Variants in CAST observed in about 807,000 individuals in gnomAD.
The protein encoded by CAST is calpastatin.
CAST carries 76 observed loss-of-function variants against 119.6 expected under a neutral mutation model. The observed-to-expected ratio is 0.64, with a 90% CI of 0.53 to 0.77. CAST has a LOEUF of 0.77. Among genes scored for constraint, CAST ranks in the 30% least tolerant of loss-of-function variants. The probability of loss-of-function intolerance (pLI) is 0.00; values close to 1 mark genes in which losing one functional copy is unlikely to be tolerated. For missense variants in CAST, 953 were observed against 946.5 expected (o/e 1.01, Z -0.09); for synonymous variants, 319 against 331.6 (o/e 0.96, Z 0.41).
the CAST span, among the ~76,000 whole-genome samples, chr5:96,127,401 T>C: frequency 1.3e-5 from 2 of 152,098 alleles, no homozygotes; most frequent in Admixed American, 1.3e-4. Context: ...AAAAATGAAA[T>C]GTAAATTCAT....
the CAST span, among the ~76,000 whole-genome samples, chr5:95,967,691 G>A: frequency 1.3e-5 from 2 of 152,096 alleles, no homozygotes; most frequent in South Asian, 2.1e-4. Context: ...AGAAGGACGT[G>A]TTTGCTTCCC....
chr5:96,188,127 C>A, the CAST span, among the ~76,000 whole-genome samples: 40 of 152,142 alleles, frequency 2.6e-4, no homozygotes, highest in Admixed American at 1.6e-3. Flanking sequence ...AGGTCTAAGC[C>A]TTTTTATTAC....
chr5:96,658,969 GCT>G (rs1266216279), upstream of CAST, among the ~76,000 whole-genome samples: 1 of 152,116 alleles, frequency 6.6e-6, no homozygotes, highest in African/African-American at 2.4e-5. Flanking sequence ...TGTTTCTTTG[GCT>G]CTGTTTTTTA....
chr5:96,447,533 T>C, the CAST span, among the ~76,000 whole-genome samples: 3,716 of 152,282 alleles, frequency 0.024, 58 homozygotes, highest in Non-Finnish European at 0.037. Flanking sequence ...CTCTGTGGAA[T>C]TTAAATGTTA....
In CAST at chr5:96,773,270, G is replaced by A. The variant is rs1222733938; in HGVS notation, c.*654G>A. On this transcript the variant is annotated 3_prime_UTR_variant, in exon 32 of 32. Transcript: ENST00000675179. ...CAGTTTGAACTCTTCTTTGCCAGGTGTGAGGACTTCTGCATCTTACAGTCA... is the reference window on the plus strand; with the variant it reads ...CAGTTTGAACTCTTCTTTGCCAGGTATGAGGACTTCTGCATCTTACAGTCA... The A allele has an allele frequency of 1.3e-5, 2 of 153,452 alleles. No individual in the cohort carries two copies. The highest frequency in any genetic ancestry group is 2.9e-5 in the Non-Finnish European group (2 of 68,038). The allele number at this position is 153,452 out of a possible 1,614,324, so 9.5% of individuals were successfully genotyped here. A position where few individuals can be genotyped will look rare whatever the true frequency, so the allele number is the denominator to read the frequency against.
chr5:96,375,370 A>G, the CAST span, among the ~76,000 whole-genome samples: 2 of 152,162 alleles, frequency 1.3e-5, no homozygotes, highest in Non-Finnish European at 1.5e-5. Flanking sequence ...CATAAAGAAA[A>G]TAAGTCCTGA....
chr5:96,616,744 C>CTATA (rs755651461), intron 1 of CAST, among the ~76,000 whole-genome samples: 23 of 122,964 alleles, frequency 1.9e-4, no homozygotes, highest in African/African-American at 4.7e-4. Flanking sequence ...CTCTCTCTCT[C>CTATA]TATATATATA....
At chr5:96,457,226 C>A in the CAST span, among the ~76,000 whole-genome samples, 1 of 152,188 alleles carries the variant, frequency 6.6e-6, no homozygotes, top group South Asian at 2.1e-4. Flanking sequence ...GCTCCCCATT[C>A]TTCTTTGCTT....
In CAST at chr5:96,554,025, C is replaced by G. The variant is rs147032592; in HGVS notation, c.60+24145C>G. The stretch of plus-strand genomic sequence containing the variant: ...ATGCTATCCCCATCAAGCTACCACT[C>G]ACTTTCTTCACAGAATTGGAAAAAA... On this transcript the variant is annotated intron_variant, in intron 1 of 11. Coordinates refer to the CAST transcript ENST00000505143. Among the ~76,000 whole-genome samples the G allele has an allele frequency of 9.3e-3, 1,416 of 152,210 alleles. 18 individuals are homozygous for G. The highest frequency in any genetic ancestry group is 0.033 in the African/African-American group (1,375 of 41,530).
At position 96,703,749 on chromosome 5, in the gene CAST, G is replaced by A. The variant is rs187279708; in HGVS notation, c.210+7842G>A. Among the ~76,000 whole-genome samples the A allele has an allele frequency of 4.6e-5, 7 of 152,288 alleles. No homozygotes were observed. In the East Asian group the frequency reaches 1.4e-3, roughly 29 times the overall value. On this transcript the variant is annotated intron_variant, in intron 3 of 31. Coordinates refer to ENST00000675179, the MANE Select transcript of CAST (RefSeq NM_001750.7). Reference sequence around the variant, plus strand: ...GAATGACAGAAATGCTTAATCAGCAGCTCTGGAAAGTTCCTGCTGTTTCAC... The same window carrying A: ...GAATGACAGAAATGCTTAATCAGCAACTCTGGAAAGTTCCTGCTGTTTCAC...
the CAST span, among the ~76,000 whole-genome samples, chr5:96,147,545 G>T: frequency 3.3e-5 from 5 of 152,184 alleles, no homozygotes; most frequent in African/African-American, 1.2e-4. Context: ...GGAGCTTGCA[G>T]TGAGCCGAGA....
At chr5:96,638,641 C>T (rs155056) in intron 1 of CAST, among the ~76,000 whole-genome samples, 45,906 of 151,888 alleles carry the variant, frequency 0.3, 7,012 homozygotes, top group African/African-American at 0.33. Flanking sequence ...TGGGCTTGAA[C>T]GATTTTGTTC....
At position 96,740,791 on chromosome 5, in the gene CAST, T is replaced by G; in HGVS notation, c.918+8T>G. ...CCTCCTGCAGACTCTTCGGTGAGTT[T>G]ACATACATGTCTTCTGATCTAAATT... is the stretch of plus-strand genomic sequence containing the variant. On this transcript the variant is annotated splice_region_variant and intron_variant, in intron 13 of 31. Transcript: ENST00000675179. The G allele has an allele frequency of 6.5e-7, 1 of 1,548,780 alleles. No homozygotes were observed. Among genetic ancestry groups the G allele is most frequent in the East Asian group, 2.2e-5 (1 of 44,644 alleles).
At chr5:96,092,562 G>C in the CAST span, among the ~76,000 whole-genome samples, 2 of 152,050 alleles carry the variant, frequency 1.3e-5, no homozygotes, top group Admixed American at 1.3e-4. Flanking sequence ...TTACTGAGTT[G>C]GTTTAAAATA....
chr5:96,408,235 G>C, the CAST span: 1 of 1,612,914 alleles, frequency 6.2e-7, no homozygotes, highest in East Asian at 2.2e-5. Flanking sequence ...TGCTTCCAGG[G>C]CCAGAGCGAA....
chr5:96,194,125 T>C, the CAST span, among the ~76,000 whole-genome samples: 1 of 152,092 alleles, frequency 6.6e-6, no homozygotes, highest in African/African-American at 2.4e-5. Flanking sequence ...CAGATCGAGA[T>C]CTCCCTGGCT....
At chr5:96,436,132 T>C in the CAST span, among the ~76,000 whole-genome samples, 5 of 152,340 alleles carry the variant, frequency 3.3e-5, no homozygotes, top group African/African-American at 1.2e-4. Context: ...ATGGGTAACA[T>C]TAACTGCACA....
the CAST span, among the ~76,000 whole-genome samples, chr5:96,322,750 A>T: frequency 6.6e-6 from 1 of 152,064 alleles, no homozygotes; most frequent in Non-Finnish European, 1.5e-5. Context: ...GCAGCTTCTG[A>T]TATCTTTATA....
At chr5:96,193,701 G>A in the CAST span, among the ~76,000 whole-genome samples, 2 of 152,268 alleles carry the variant, frequency 1.3e-5, no homozygotes, top group East Asian at 1.9e-4. Flanking sequence ...ATTGGAAGAA[G>A]GAGATCTGGT....
Sources: allele counts gnomAD v4.1 joint callset (sites outside exome capture counted in the v4.1 genomes callset), GRCh38; gene constraint gnomAD v4.1.1; transcripts MANE v1.5; gene names NCBI Gene and HGNC (gene_info 2026-07-23, HGNC 2026-07-21).